Variants in CPNE4 observed in about 807,000 individuals in gnomAD.
CPNE4 encodes copine-4.
A neutral mutation model predicts 67.9 loss-of-function variants in CPNE4; 25 were observed. That is an observed-to-expected ratio of 0.37 (90% CI 0.27 to 0.51). The LOEUF is 0.51. CPNE4 is among the 20% of genes least tolerant of loss of function. The pLI, the probability that CPNE4 is intolerant of heterozygous loss-of-function variation, is 0.93. For missense variants in CPNE4, 464 were observed against 690.8 expected, an observed-to-expected ratio of 0.67 and a Z score of 3.68; for synonymous variants, 242 against 244.9, an observed-to-expected ratio of 0.99 and a Z score of 0.11.
At chr3:131,784,853 A>C (rs1583193280) in intron 2 of CPNE4, among the ~76,000 whole-genome samples, 1 of 152,262 alleles carries the variant, frequency 6.6e-6, no homozygotes, top group African/African-American at 2.4e-5. Context: ...ATCTGGTTCA[A>C]GTTAATTAAA....
At chr3:132,004,353 T>C (rs1334645978) in intron 1 of CPNE4, among the ~76,000 whole-genome samples, 1 of 152,126 alleles carries the variant, frequency 6.6e-6, no homozygotes, top group Non-Finnish European at 1.5e-5. Flanking sequence ...ATAACTGATA[T>C]TAATATTTTG....
At position 131,814,892 on chromosome 3, in the gene CPNE4, C is replaced by T. The variant is rs563854360; in HGVS notation, c.180+90372G>A. ...GTGCTGGGATTACAGGCGTGAGCCA[C>T]CGCGCCCGGCCTGAAATGCAATTTT... On this transcript the variant is annotated intron_variant, in intron 2 of 15. Transcript: ENST00000429747. Among the ~76,000 whole-genome samples the T allele has an allele frequency of 1.2e-3, 170 of 136,440 alleles. 6 individuals are homozygous for T. The highest frequency in any genetic ancestry group is 1.6e-3 in the Admixed American group (23 of 14,562). The allele number at this position is 136,440 out of a possible 152,430, so 89.5% of individuals were successfully genotyped here. A position where few individuals can be genotyped will look rare whatever the true frequency, so the allele number is the denominator to read the frequency against.
At chr3:132,036,980 G>A (rs1486236856), upstream of CPNE4, among the ~76,000 whole-genome samples, 1 of 152,162 alleles carries the variant, frequency 6.6e-6, no homozygotes, top group Non-Finnish European at 1.5e-5. Flanking sequence ...AATAAATCCA[G>A]GGTGTGGGCG....
chr3:132,028,193 C>T (rs772232502), intron 1 of CPNE4, among the ~76,000 whole-genome samples: 7 of 152,186 alleles, frequency 4.6e-5, no homozygotes, highest in Non-Finnish European at 1.0e-4. Context: ...ACTTCTCCCT[C>T]AAAATTACCT....
intron 7 of CPNE4, among the ~76,000 whole-genome samples, chr3:131,595,263 C>G (rs941393960): frequency 6.6e-6 from 1 of 152,216 alleles, no homozygotes; most frequent in African/African-American, 2.4e-5. Context: ...GATGTCTGCA[C>G]TCTCAGGTTC....
chr3:131,861,055 A>G (rs1239339637), intron 2 of CPNE4, among the ~76,000 whole-genome samples: 1 of 152,198 alleles, frequency 6.6e-6, no homozygotes, highest in Non-Finnish European at 1.5e-5. Flanking sequence ...AATCACACAT[A>G]TATTAATATT....
intron 7 of CPNE4, among the ~76,000 whole-genome samples, chr3:131,601,509 T>C (rs1340978380): frequency 1.3e-5 from 2 of 152,022 alleles, no homozygotes; most frequent in Non-Finnish European, 2.9e-5. Context: ...CAAGAGCAAA[T>C]AAAAACCTGG....
At chr3:131,948,695 C>T (rs16838150) in intron 1 of CPNE4, among the ~76,000 whole-genome samples, 25,721 of 152,038 alleles carry the variant, frequency 0.17, 2,578 homozygotes, top group East Asian at 0.33. Context: ...ATCAGTTTTT[C>T]GGAAATGTTT....
chr3:131,960,334 G>T (rs2072129493), intron 1 of CPNE4, among the ~76,000 whole-genome samples: 1 of 152,010 alleles, frequency 6.6e-6, no homozygotes, highest in Non-Finnish European at 1.5e-5. Context: ...TACATCAGAA[G>T]AAAAAAGAAT....
intron 11 of CPNE4, among the ~76,000 whole-genome samples, chr3:131,559,824 T>TA (rs936530013): frequency 6.6e-6 from 1 of 151,998 alleles, no homozygotes; most frequent in African/African-American, 2.4e-5. Context: ...ATCAAATAGT[T>TA]ACGGCATTTA....
At chr3:131,860,000 C>G (rs2086607128) in intron 2 of CPNE4, among the ~76,000 whole-genome samples, 1 of 152,146 alleles carries the variant, frequency 6.6e-6, no homozygotes, top group Non-Finnish European at 1.5e-5. Flanking sequence ...CAGCAATAAT[C>G]TCCCTCATTC....
chr3:131,890,619 A>G (rs1265611789), intron 2 of CPNE4, among the ~76,000 whole-genome samples: 1 of 152,124 alleles, frequency 6.6e-6, no homozygotes, highest in Non-Finnish European at 1.5e-5. Context: ...AACTGAAATC[A>G]GGCTCTTGAA....
In CPNE4 at chr3:131,635,408, TAATC is replaced by T. The variant is rs201955827; in HGVS notation, c.681+34263_681+34266del. ...AAAAGTATACAATTACCTTTCTACTTAATCAACATTGTGTAAGATATTAGATCAA... is the reference window on the plus strand; with the variant it reads ...AAAAGTATACAATTACCTTTCTACTTAACATTGTGTAAGATATTAGATCAA... On this transcript the variant is annotated intron_variant, in intron 7 of 15. Transcript: ENST00000429747. 2.6e-3 allele frequency among the ~76,000 whole-genome samples: 396 copies of T among 152,346 alleles called. 5 individuals carry two copies. Among genetic ancestry groups the T allele is most frequent in the Admixed American group, 0.024 (360 of 15,304 alleles).
chr3:131,994,199 G>A (rs898468655), intron 1 of CPNE4, among the ~76,000 whole-genome samples: 6 of 136,060 alleles, frequency 4.4e-5, no homozygotes, highest in African/African-American at 1.2e-4. Flanking sequence ...TTAAAGACCT[G>A]AACAAATGAA....
At chr3:131,717,283 A>T (rs750097266) in intron 3 of CPNE4, among the ~76,000 whole-genome samples, 4 of 150,134 alleles carry the variant, frequency 2.7e-5, no homozygotes, top group South Asian at 4.2e-4. Flanking sequence ...TCACACTTTT[A>T]TCTGAAAGTG....
rs79072395 is a variant in CPNE4, at chr3:131,684,026, G to A, written c.591+1849C>T. Reference sequence around the variant, plus strand: ...CTGCACCACACAGCCACTACCAAGCGGATGAGGGAGGAGTAGTATCAACAA... The same window carrying A: ...CTGCACCACACAGCCACTACCAAGCAGATGAGGGAGGAGTAGTATCAACAA... On this transcript the variant is annotated intron_variant, in intron 6 of 15. Transcript: ENST00000429747. Among the ~76,000 whole-genome samples, 1,168 of 152,198 alleles carry A rather than the reference G, an allele frequency of 7.7e-3. 21 individuals are homozygous for A. Among genetic ancestry groups the A allele is most frequent in the African/African-American group, 0.026 (1,099 of 41,506 alleles).
chr3:131,822,504 G>A (rs1365244217), intron 2 of CPNE4, among the ~76,000 whole-genome samples: 11 of 152,126 alleles, frequency 7.2e-5, no homozygotes, highest in Non-Finnish European at 1.6e-4. Context: ...AATTTAACAA[G>A]GAGAAGATAA....
intron 2 of CPNE4, among the ~76,000 whole-genome samples, chr3:131,807,186 GTCAGTGTAGGTA>G (rs2107929616): frequency 6.6e-6 from 1 of 152,288 alleles, no homozygotes; most frequent in Admixed American, 6.5e-5. Flanking sequence ...TATGATGGGT[GTCAGTGTAGGTA>G]TCAGGGAAAG....
At chr3:131,558,605 T>A (rs192567506) in intron 11 of CPNE4, among the ~76,000 whole-genome samples, 38 of 152,176 alleles carry the variant, frequency 2.5e-4, no homozygotes, top group Admixed American at 1.0e-3. Flanking sequence ...GGAATGACTA[T>A]TGTCAAATGA....
Sources: gnomAD v4.1 joint callset for allele counts (sites outside exome capture counted in the v4.1 genomes callset) on GRCh38, gnomAD v4.1.1 for gene constraint, MANE v1.5 for transcripts, NCBI Gene and HGNC (gene_info 2026-07-23, HGNC 2026-07-21) for gene names.